Variants in ACOT7 observed in about 807,000 individuals in gnomAD.
ACOT7 encodes cytosolic acyl coenzyme A thioester hydrolase.
A neutral mutation model predicts 40.2 loss-of-function variants in ACOT7; 12 were observed. That is an observed-to-expected ratio of 0.30 (90% CI 0.19 to 0.48). ACOT7 has a LOEUF of 0.48. Ranked by LOEUF, ACOT7 falls within the 20% of genes least tolerant of loss-of-function variation. The pLI is 0.99. For synonymous variants in ACOT7, 228 were observed against 219.5 expected (o/e 1.04, Z -0.34); for missense variants, 395 against 530.8 (o/e 0.74, Z 2.51).
chr1:6,268,589 G>A lies in ACOT7; in HGVS notation c.1015-3894C>T, dbSNP rs989957667. On this transcript the variant is annotated intron_variant, in intron 8 of 8. Coordinates refer to ENST00000361521, the MANE Select transcript of ACOT7 (RefSeq NM_007274.4). Reference sequence around the variant, plus strand: ...ACAGGCGCGATTTTCCCCACTCCCCGCCAAGAGGCGCTAAGAGCTAACTCA... The same window carrying A: ...ACAGGCGCGATTTTCCCCACTCCCCACCAAGAGGCGCTAAGAGCTAACTCA... Among the ~76,000 whole-genome samples the A allele has an allele frequency of 1.2e-4, 19 of 152,184 alleles. 1 individual carries two copies. Among genetic ancestry groups the A allele is most frequent in the Non-Finnish European group, 1.6e-4 (11 of 68,026 alleles).
At chr1:6,384,266 ATCT>A (rs998826478) in intron 1 of ACOT7, among the ~76,000 whole-genome samples, 2 of 151,864 alleles carry the variant, frequency 1.3e-5, no homozygotes, top group Admixed American at 6.6e-5. Context: ...GCTCAGTATC[ATCT>A]TCTCTCATTA....
Position 6,358,747 on chromosome 1 carries a change from C to G in ACOT7, c.144-8881G>C. Reference sequence around the variant, plus strand: ...CAGGGGCCGAGTCCCCTCTACCCACCCTTCCCTTCCAAATGTCCCTAAACA... The same window carrying G: ...CAGGGGCCGAGTCCCCTCTACCCACGCTTCCCTTCCAAATGTCCCTAAACA... On this transcript the variant is annotated intron_variant, in intron 1 of 8. Transcript: ENST00000361521. The surrounding 1 kb of genome is among the most constrained non-coding windows in gnomAD (Gnocchi z 4.1). The G allele has an allele frequency of 1.4e-6, 2 of 1,465,218 alleles. No homozygotes were observed. The highest frequency in any genetic ancestry group is 1.2e-5 in the South Asian group (1 of 86,442). 90.8% of individuals were successfully genotyped at this position (1,465,218 alleles called of 1,614,324 possible).
chr1:6,329,119 G>A (rs1270573646), intron 4 of ACOT7, among the ~76,000 whole-genome samples: 3 of 152,266 alleles, frequency 2.0e-5, no homozygotes, highest in South Asian at 2.1e-4. Flanking sequence ...CACTTCAGAC[G>A]GCTGTGTTAG....
chr1:6,309,044 C>T (rs1247165664), intron 6 of ACOT7, among the ~76,000 whole-genome samples: 3 of 152,246 alleles, frequency 2.0e-5, no homozygotes, highest in Non-Finnish European at 2.9e-5. Context: ...CATGTTCGCC[C>T]TGTCGGCTTT....
intron 6 of ACOT7, among the ~76,000 whole-genome samples, chr1:6,307,316 C>T (rs1640184613): frequency 1.3e-5 from 2 of 152,218 alleles, no homozygotes; most frequent in South Asian, 4.1e-4. Flanking sequence ...CAGCACAGTC[C>T]GCAGTCCTTC....
intron 2 of ACOT7, among the ~76,000 whole-genome samples, chr1:6,349,102 T>A (rs1027457499): frequency 6.6e-6 from 1 of 152,038 alleles, no homozygotes; most frequent in Non-Finnish European, 1.5e-5. Flanking sequence ...AGAGAAAATG[T>A]CCCCTCCCCA....
intron 2 of ACOT7, among the ~76,000 whole-genome samples, chr1:6,346,530 T>G (rs904686924): frequency 6.6e-6 from 1 of 151,992 alleles, no homozygotes; most frequent in East Asian, 1.9e-4. Context: ...GAGAAAGAGA[T>G]GTAGGAGGTG....
chr1:6,314,546 C>G (rs749026791), intron 6 of ACOT7, among the ~76,000 whole-genome samples: 12 of 151,984 alleles, frequency 7.9e-5, no homozygotes, highest in Middle Eastern at 3.4e-3. Flanking sequence ...TCTGGACCCC[C>G]ACAGGTATCT....
intron 5 of ACOT7, among the ~76,000 whole-genome samples, chr1:6,322,637 C>G (rs764485111): frequency 3.9e-5 from 6 of 152,248 alleles, no homozygotes; most frequent in East Asian, 1.9e-4. Context: ...GGTTGTTCCT[C>G]TGTGTGTGTC....
intron 1 of ACOT7, among the ~76,000 whole-genome samples, chr1:6,383,186 CA>C (rs908111090): frequency 7.4e-5 from 11 of 149,164 alleles, no homozygotes; most frequent in Admixed American, 6.0e-4. Context: ...GCTAAGATGG[CA>C]GATTTTTTTT....
intron 6 of ACOT7, among the ~76,000 whole-genome samples, chr1:6,318,215 C>G (rs942592179): frequency 6.6e-5 from 10 of 152,110 alleles, no homozygotes; most frequent in African/African-American, 2.4e-4. Context: ...CCACCATGCC[C>G]GGCTTATTAT....
At chr1:6,354,579 C>T (rs1195855678) in intron 1 of ACOT7, among the ~76,000 whole-genome samples, 1 of 152,152 alleles carries the variant, frequency 6.6e-6, no homozygotes. Context: ...CACAATCAGA[C>T]ACTGTTTGGG....
At chr1:6,392,785 C>T (rs1377656322) in intron 1 of ACOT7, among the ~76,000 whole-genome samples, 1 of 152,210 alleles carries the variant, frequency 6.6e-6, no homozygotes, top group Admixed American at 6.5e-5. Flanking sequence ...GGGCACCTCC[C>T]CTCCACCTCT....
intron 7 of ACOT7, among the ~76,000 whole-genome samples, chr1:6,290,141 C>G (rs1372281291): frequency 6.6e-6 from 1 of 152,108 alleles, no homozygotes; most frequent in African/African-American, 2.4e-5. Context: ...GACCATGAGC[C>G]GAGGAATGTG....
At chr1:6,374,315 C>T (rs1444465045) in intron 1 of ACOT7, among the ~76,000 whole-genome samples, 1 of 152,250 alleles carries the variant, frequency 6.6e-6, no homozygotes, top group Non-Finnish European at 1.5e-5. Context: ...TGGTTAAAGC[C>T]CTCCCACAGG....
Position 6,393,513 on chromosome 1 carries a change from G to C in ACOT7, c.-114C>G, listed in dbSNP as rs1251175269. ...CCCGCCCCCGCGCCGGCCCCACCCC[G>C]AGCCCCGCCTCCCAGGCCGCCAAGG... is the stretch of plus-strand genomic sequence containing the variant. On this transcript the variant is annotated 5_prime_UTR_variant, in exon 1 of 9. Coordinates refer to ENST00000361521, the MANE Select transcript of ACOT7 (RefSeq NM_007274.4). 3.1e-6 allele frequency: 3 copies of C among 975,752 alleles called. No individual in the cohort carries two copies. Among genetic ancestry groups the C allele is most frequent in the Non-Finnish European group, 3.9e-6 (3 of 765,092 alleles). 60.4% of individuals were successfully genotyped at this position (975,752 alleles called of 1,614,324 possible). A position where few individuals can be genotyped will look rare whatever the true frequency, so the allele number is the denominator to read the frequency against.
intron 1 of ACOT7, among the ~76,000 whole-genome samples, chr1:6,392,830 T>C (rs558610477): frequency 2.0e-5 from 3 of 152,018 alleles, no homozygotes; most frequent in Admixed American, 6.5e-5. Flanking sequence ...ACCGCCGAGG[T>C]AATGATCCCG....
chr1:6,346,248 C>A (rs1169243705), intron 2 of ACOT7, among the ~76,000 whole-genome samples: 1 of 152,232 alleles, frequency 6.6e-6, no homozygotes, highest in African/African-American at 2.4e-5. Flanking sequence ...ACTACAGGCA[C>A]AGGCCACCAC....
chr1:6,346,314 C>T (rs1035656314), intron 2 of ACOT7, among the ~76,000 whole-genome samples: 9 of 152,242 alleles, frequency 5.9e-5, no homozygotes, highest in Non-Finnish European at 7.3e-5. Flanking sequence ...GTTGCCCAGG[C>T]TGGCCTCAAA....
Sources: allele counts gnomAD v4.1 joint callset (sites outside exome capture counted in the v4.1 genomes callset), GRCh38; gene constraint gnomAD v4.1.1; non-coding constraint Gnocchi (gnomAD v3.1); transcripts MANE v1.5; gene names NCBI Gene and HGNC (gene_info 2026-07-23, HGNC 2026-07-21).